Variants in ALPK1 observed in about 807,000 individuals in gnomAD.
The protein encoded by ALPK1 is alpha kinase 1.
ALPK1 carries 110 observed loss-of-function variants against 120.6 expected under a neutral mutation model. That is an observed-to-expected ratio of 0.91 (90% CI 0.78 to 1.07). The LOEUF is 1.07. ALPK1 is among the 50% of genes least tolerant of loss of function. The pLI, the probability that ALPK1 is intolerant of heterozygous loss-of-function variation, is 0.00. For missense variants in ALPK1, 1,498 were observed against 1,483.9 expected (o/e 1.01, Z -0.16); for synonymous variants, 582 against 560.3 (o/e 1.04, Z -0.55).
intron 12 of ALPK1, among the ~76,000 whole-genome samples, chr4:112,436,585 A>G (rs1734799344): frequency 6.6e-6 from 1 of 152,214 alleles, no homozygotes; most frequent in Non-Finnish European, 1.5e-5. Context: ...ATAGACAAAG[A>G]CGCAGAGAGA....
chr4:112,364,211 C>G (rs1731037573), intron 2 of ALPK1, among the ~76,000 whole-genome samples: 1 of 151,536 alleles, frequency 6.6e-6, no homozygotes, highest in South Asian at 2.1e-4. Flanking sequence ...TAACAAAGAT[C>G]AGAGCAGAAC....
chr4:112,428,131 T>C (rs1395610183), intron 9 of ALPK1: 1 of 156,796 alleles, frequency 6.4e-6, no homozygotes, highest in Admixed American at 6.2e-5. Context: ...CAAGAAAGTA[T>C]ATATATATCC....
chr4:112,354,578 G>A (rs1206314710), intron 2 of ALPK1, among the ~76,000 whole-genome samples: 3 of 151,918 alleles, frequency 2.0e-5, no homozygotes, highest in Admixed American at 6.6e-5. Context: ...AGTGAATCTC[G>A]AGCCTCAGCC....
chr4:112,406,601 C>G (rs1245602290), intron 4 of ALPK1, among the ~76,000 whole-genome samples: 1 of 152,184 alleles, frequency 6.6e-6, no homozygotes, highest in Non-Finnish European at 1.5e-5. Context: ...CACCACTAAA[C>G]CAAGTCATAG....
At chr4:112,338,473 A>G (rs1284636644) in intron 2 of ALPK1, among the ~76,000 whole-genome samples, 1 of 152,234 alleles carries the variant, frequency 6.6e-6, no homozygotes, top group Non-Finnish European at 1.5e-5. Context: ...AAAAGTCTAT[A>G]CTTTTTTTAC....
rs1430152502 is a variant in ALPK1 at position 112,320,919 on chromosome 4, C to T, written c.-101+5067C>T. ...TTTCTTTTTTTTTTTTTTTTTGAGACGGAGTCTTGCTCTGTGGCCCAGGCT... is the reference window on the plus strand; with the variant it reads ...TTTCTTTTTTTTTTTTTTTTTGAGATGGAGTCTTGCTCTGTGGCCCAGGCT... On this transcript the variant is annotated intron_variant, in intron 2 of 15. Transcript: ENST00000650871. 3.5e-5 allele frequency among the ~76,000 whole-genome samples: 4 copies of T among 115,094 alleles called. No homozygotes were observed. The East Asian group carries it at 8.8e-4, about 25-fold the overall frequency. 75.5% of individuals were successfully genotyped at this position (115,094 alleles called of 152,430 possible). A position where few individuals can be genotyped will look rare whatever the true frequency, so the allele number is the denominator to read the frequency against.
chr4:112,380,522 C>T (rs1731854840), intron 3 of ALPK1, among the ~76,000 whole-genome samples: 1 of 152,166 alleles, frequency 6.6e-6, no homozygotes, highest in Non-Finnish European at 1.5e-5. Context: ...TCCTTCCCCA[C>T]CAGAAAACTT....
intron 1 of ALPK1, among the ~76,000 whole-genome samples, chr4:112,311,321 T>C (rs148210000): frequency 3.3e-4 from 51 of 152,358 alleles, no homozygotes; most frequent in African/African-American, 1.1e-3. Context: ...TAAGTATTTG[T>C]TAAGCTTGTT....
chr4:112,396,997 G>A (rs1732680984), intron 4 of ALPK1, among the ~76,000 whole-genome samples: 1 of 152,000 alleles, frequency 6.6e-6, no homozygotes, highest in South Asian at 2.1e-4. Context: ...GGCTGATCTC[G>A]AACTCCTGAG....
chr4:112,433,131 A>C (rs1231478174), intron 11 of ALPK1, among the ~76,000 whole-genome samples: 7 of 152,154 alleles, frequency 4.6e-5, no homozygotes, highest in Non-Finnish European at 1.0e-4. Flanking sequence ...TGTCTACCTA[A>C]GCGGTTTCTT....
At chr4:112,325,288 C>T (rs1729062998) in intron 2 of ALPK1, among the ~76,000 whole-genome samples, 1 of 152,150 alleles carries the variant, frequency 6.6e-6, no homozygotes, top group Admixed American at 6.5e-5. Flanking sequence ...AGACACTATT[C>T]CCATTTACCA....
intron 1 of ALPK1, among the ~76,000 whole-genome samples, chr4:112,313,700 G>A (rs554456729): frequency 6.6e-6 from 1 of 152,336 alleles, no homozygotes; most frequent in Admixed American, 6.5e-5. Context: ...TCCAGCCTGG[G>A]TGACAGAGGG....
At chr4:112,388,653 A>C (rs1198587550) in intron 4 of ALPK1, among the ~76,000 whole-genome samples, 1 of 151,976 alleles carries the variant, frequency 6.6e-6, no homozygotes, top group Non-Finnish European at 1.5e-5. Flanking sequence ...AAGTGTAGAT[A>C]AACTCTGCAT....
chr4:112,387,739 T>C (rs2148732395), intron 4 of ALPK1, among the ~76,000 whole-genome samples: 1 of 152,298 alleles, frequency 6.6e-6, no homozygotes, highest in South Asian at 2.1e-4. Flanking sequence ...GGAAAACCCC[T>C]GTGGATGAAT....
At chr4:112,380,062 T>G (rs1489248151) in intron 3 of ALPK1, among the ~76,000 whole-genome samples, 1 of 152,194 alleles carries the variant, frequency 6.6e-6, no homozygotes, top group Non-Finnish European at 1.5e-5. Flanking sequence ...ATTGACTCAG[T>G]GTTCAAATAA....
chr4:112,351,049 C>T (rs116301425), intron 2 of ALPK1, among the ~76,000 whole-genome samples: 3,108 of 152,308 alleles, frequency 0.02, 43 homozygotes, highest in Non-Finnish European at 0.031. Flanking sequence ...CCTGAGATGT[C>T]GCTCTTCCAG....
chr4:112,341,718 C>T (rs71604936), intron 2 of ALPK1, among the ~76,000 whole-genome samples: 28,946 of 152,098 alleles, frequency 0.19, 3,172 homozygotes, highest in Middle Eastern at 0.3. Flanking sequence ...ATTACAAGAA[C>T]GAAACAACAG....
At chr4:112,324,675 G>T (rs778213492) in intron 2 of ALPK1, among the ~76,000 whole-genome samples, 14 of 151,840 alleles carry the variant, frequency 9.2e-5, no homozygotes, top group Non-Finnish European at 1.9e-4. Flanking sequence ...TAAGGTTCTC[G>T]CTATGTGCCC....
chr4:112,327,572 A>G (rs965431177), intron 2 of ALPK1, among the ~76,000 whole-genome samples: 1 of 152,154 alleles, frequency 6.6e-6, no homozygotes, highest in Non-Finnish European at 1.5e-5. Flanking sequence ...ACTAGCCAGG[A>G]CTACAGGCGT....
Sources: allele counts gnomAD v4.1 joint callset (sites outside exome capture counted in the v4.1 genomes callset), GRCh38; gene constraint gnomAD v4.1.1; transcripts MANE v1.5; gene names NCBI Gene and HGNC (gene_info 2026-07-23, HGNC 2026-07-21).